The following LRRC8A variants were observed in gnomAD, a reference collection of about 807,000 sequenced individuals.
The protein encoded by LRRC8A is volume-regulated anion channel subunit LRRC8A.
In LRRC8A, 24 loss-of-function variants were observed where a neutral mutation model predicts 52.5. The ratio of observed to expected loss-of-function variants is 0.46; its 90% CI spans 0.33 to 0.64. LRRC8A has a LOEUF of 0.64. LRRC8A is among the 30% of genes least tolerant of loss of function. The probability of loss-of-function intolerance (pLI) is 0.02; values close to 1 mark genes in which losing one functional copy is unlikely to be tolerated. For synonymous variants in LRRC8A, 492 were observed against 494.2 expected (o/e 1.00, Z 0.06); for missense variants, 677 against 1,094.7 (o/e 0.62, Z 5.38).
chr9:128,907,054 T>G lies in LRRC8A; in HGVS notation c.-8-103T>G. On this transcript the variant is annotated intron_variant, in intron 2 of 3. Coordinates refer to ENST00000372600, the MANE Select transcript of LRRC8A (RefSeq NM_019594.4). The surrounding 1 kb of genome is among the most constrained non-coding windows in gnomAD (Gnocchi z 9.3). ...GCTCCCAGCTAGATTTGAGGTGGAATTTTGGACAATGGAAGAATTTTCATT... is the reference window on the plus strand; with the variant it reads ...GCTCCCAGCTAGATTTGAGGTGGAAGTTTGGACAATGGAAGAATTTTCATT... 2 of 998,122 alleles carry G rather than the reference T, an allele frequency of 2.0e-6. No individual in the cohort carries two copies. Among genetic ancestry groups the G allele is most frequent in the Non-Finnish European group, 3.0e-6 (2 of 672,676 alleles). The allele number at this position is 998,122 out of a possible 1,614,324, so 61.8% of individuals were successfully genotyped here.
At chr9:128,884,266 T>G (rs1253591291) in intron 1 of LRRC8A, among the ~76,000 whole-genome samples, 1 of 151,998 alleles carries the variant, frequency 6.6e-6, no homozygotes. Context: ...CGTCTTAGAG[T>G]AGAGCTGATT....
At chr9:128,909,997 G>C (rs754487917) in intron 3 of LRRC8A, among the ~76,000 whole-genome samples, 1 of 152,214 alleles carries the variant, frequency 6.6e-6, no homozygotes, top group Non-Finnish European at 1.5e-5. Context: ...CCACACCTTC[G>C]ACATACTTTC....
intron 2 of LRRC8A, among the ~76,000 whole-genome samples, chr9:128,894,173 G>A (rs1224409021): frequency 6.6e-6 from 1 of 151,856 alleles, no homozygotes; most frequent in Non-Finnish European, 1.5e-5. Flanking sequence ...GAGCCACCGT[G>A]CCCAGCCATC....
At position 128,907,009 on chromosome 9, in the gene LRRC8A, C is replaced by G. The variant is rs890981723; in HGVS notation, c.-8-148C>G. 1 of 734,592 alleles carries G rather than the reference C, an allele frequency of 1.4e-6. No homozygotes were observed. The highest frequency in any genetic ancestry group is 1.8e-5 in the African/African-American group (1 of 56,804). The allele number at this position is 734,592 out of a possible 1,614,324, so 45.5% of individuals were successfully genotyped here. A position where few individuals can be genotyped will look rare whatever the true frequency, so the allele number is the denominator to read the frequency against. On this transcript the variant is annotated intron_variant, in intron 2 of 3. Coordinates refer to ENST00000372600, the MANE Select transcript of LRRC8A (RefSeq NM_019594.4). This position sits in a 1 kb window ranked among gnomAD's most constrained non-coding sequence, Gnocchi z 9.3. ...AGAAGGGCTGATAAGTGGGCTGCCC[C>G]GTGGAGTAGGCAGGCTTTGGCTCCC...
At chr9:128,890,816 T>C (rs1179240268) in intron 2 of LRRC8A, among the ~76,000 whole-genome samples, 1 of 152,184 alleles carries the variant, frequency 6.6e-6, no homozygotes, top group Non-Finnish European at 1.5e-5. Flanking sequence ...GGTTAAGACC[T>C]GTAAACCGTG....
rs373159505 is a variant in LRRC8A, at chr9:128,909,051, C to A, written c.1887C>A (p.Ile629=). Residue 629 remains isoleucine (I), a synonymous_variant, in exon 3 of 4, where the codon ATC becomes ATA. Transcript: ENST00000372600. ...TCAAGGACAACAACCTCAAGACCAT[C>A]GAGGAGATCATCAGCTTCCAGCACC... The part of the protein sequence containing the change: ...IDLKDNNLKT[I]EEIISFQHLH... 9 of 1,614,036 alleles carry A rather than the reference C, an allele frequency of 5.6e-6. No homozygotes were observed. The highest frequency in any genetic ancestry group is 7.6e-6 in the Non-Finnish European group (9 of 1,180,030).
rs1239773121 is a variant in LRRC8A, at chr9:128,916,404, C to G, written c.*33C>G. 1 of 1,587,684 alleles carries G rather than the reference C, an allele frequency of 6.3e-7. No individual in the cohort carries two copies. Among genetic ancestry groups the G allele is most frequent in the East Asian group, 2.3e-5 (1 of 44,376 alleles). On this transcript the variant is annotated 3_prime_UTR_variant, in exon 4 of 4. Transcript: ENST00000372600. This position sits in a 1 kb window ranked among gnomAD's most constrained non-coding sequence, Gnocchi z 6.1. ...CGGCCCAGCACAGCAAGCAGCAGGA[C>G]CGCTGCCCAGTCCTCAGGCCCGGAG...
intron 3 of LRRC8A, among the ~76,000 whole-genome samples, chr9:128,913,854 C>T (rs572237063): frequency 6.6e-6 from 1 of 152,318 alleles, no homozygotes; most frequent in South Asian, 2.1e-4. Flanking sequence ...ATTCCTGATC[C>T]TTGGTCACAG....
rs113315905 is a variant in LRRC8A at position 128,916,714 on chromosome 9, T to C, written c.*343T>C. Reference sequence around the variant, plus strand: ...GTCCTGGGACCCTCACTTTAGTTCTTGGTATTTATTTTTCTCCATCTCCCA... The same window carrying C: ...GTCCTGGGACCCTCACTTTAGTTCTCGGTATTTATTTTTCTCCATCTCCCA... On this transcript the variant is annotated 3_prime_UTR_variant, in exon 4 of 4. Transcript: ENST00000372600. The surrounding 1 kb of genome is among the most constrained non-coding windows in gnomAD (Gnocchi z 6.1). 1 of 235,546 alleles carries C rather than the reference T, an allele frequency of 4.2e-6. No homozygotes were observed. The highest frequency in any genetic ancestry group is 8.2e-5 in the East Asian group (1 of 12,154). 14.6% of individuals were successfully genotyped at this position (235,546 alleles called of 1,614,324 possible).
At chr9:128,904,954 C>T (rs1424398006) in intron 2 of LRRC8A, among the ~76,000 whole-genome samples, 3 of 143,296 alleles carry the variant, frequency 2.1e-5, no homozygotes, top group Non-Finnish European at 3.0e-5. Flanking sequence ...GCCAAGATCG[C>T]ACCACTGCAC....
chr9:128,898,795 G>C (rs1023083151), intron 2 of LRRC8A, among the ~76,000 whole-genome samples: 6 of 152,252 alleles, frequency 3.9e-5, no homozygotes, highest in Non-Finnish European at 1.5e-5. Context: ...GCTCATGTAG[G>C]CTTGCTCTCC....
At chr9:128,897,127 C>G (rs1839850128) in intron 2 of LRRC8A, among the ~76,000 whole-genome samples, 2 of 152,178 alleles carry the variant, frequency 1.3e-5, no homozygotes, top group African/African-American at 4.8e-5. Flanking sequence ...TCGATGTATG[C>G]TTTAACTTTA....
At position 128,907,498 on chromosome 9, in the gene LRRC8A, G is replaced by A. The variant is rs1840302397; in HGVS notation, c.334G>A (p.Val112Met). 1 of 1,614,094 alleles carries A rather than the reference G, an allele frequency of 6.2e-7. No homozygotes were observed. The highest frequency in any genetic ancestry group is 1.1e-5 in the South Asian group (1 of 91,084). ...GCACCAGTACAACTACGTGGACGCT[G>A]TGTGCTATGAGAACCGACTGCACTG... Reference protein sequence around the residue: ...DRHQYNYVDAVCYENRLHWFA... With the variant: ...DRHQYNYVDAMCYENRLHWFA... Residue 112 changes from valine to methionine, a missense_variant, in exon 3 of 4, where the codon GTG (valine) becomes ATG (methionine). Around this residue, in one of 4 missense-constraint regions of LRRC8A, gnomAD observed 422 missense variants for 741.5 expected, o/e 0.57. Transcript: ENST00000372600. This position sits in a 1 kb window ranked among gnomAD's most constrained non-coding sequence, Gnocchi z 9.3.
chr9:128,893,348 CG>C (rs1252469705), intron 2 of LRRC8A, among the ~76,000 whole-genome samples: 1 of 152,202 alleles, frequency 6.6e-6, no homozygotes, highest in Non-Finnish European at 1.5e-5. Context: ...GACCGTGGAA[CG>C]ACAGCCTGAG....
intron 2 of LRRC8A, among the ~76,000 whole-genome samples, chr9:128,894,379 G>T (rs1839741694): frequency 6.6e-6 from 1 of 151,948 alleles, no homozygotes; most frequent in African/African-American, 2.4e-5. Context: ...AGCTACTTGG[G>T]AGGCTGAGGC....
At chr9:128,915,853 G>A (rs977420562) in intron 3 of LRRC8A, among the ~76,000 whole-genome samples, 7 of 152,162 alleles carry the variant, frequency 4.6e-5, no homozygotes, top group African/African-American at 9.7e-5. Flanking sequence ...TGAGCACTGC[G>A]AGTGGGGACA....
chr9:128,909,428 G>C, intron 3 of LRRC8A, 107 bp downstream of exon 3: 1 of 1,074,820 alleles, frequency 9.3e-7, no homozygotes, highest in South Asian at 1.4e-5. Context: ...CGATGCCCCT[G>C]AGTGTGGAGT....
chr9:128,904,765 C>T (rs1035722602), intron 2 of LRRC8A, among the ~76,000 whole-genome samples: 54 of 151,660 alleles, frequency 3.6e-4, no homozygotes, highest in African/African-American at 1.1e-3. Context: ...GAGGCCAAGG[C>T]GGGCGGATCA....
intron 2 of LRRC8A, among the ~76,000 whole-genome samples, chr9:128,904,599 A>G (rs1264022474): frequency 6.6e-6 from 1 of 152,164 alleles, no homozygotes; most frequent in Non-Finnish European, 1.5e-5. Flanking sequence ...TGTAATGCCA[A>G]CACTTTGGGA....
Sources: gnomAD v4.1 joint callset for allele counts (sites outside exome capture counted in the v4.1 genomes callset) on GRCh38, gnomAD v4.1.1 for gene constraint, gnomAD v4.1.1 regional missense constraint, Gnocchi (gnomAD v3.1) non-coding constraint, MANE v1.5 for transcripts, NCBI Gene and HGNC (gene_info 2026-07-23, HGNC 2026-07-21) for gene names.